Variants in SVEP1 observed in about 807,000 individuals in gnomAD.
The protein encoded by SVEP1 is sushi, von Willebrand factor type A, EGF and pentraxin domain-containing protein 1.
SVEP1 carries 164 observed loss-of-function variants against 367.3 expected under a neutral mutation model. The observed-to-expected ratio is 0.45, with a 90% CI of 0.39 to 0.51. SVEP1 has a LOEUF of 0.51. Among genes scored for constraint, SVEP1 ranks in the 20% least tolerant of loss-of-function variants. The probability of loss-of-function intolerance (pLI) is 0.00; values close to 1 mark genes in which losing one functional copy is unlikely to be tolerated. For synonymous variants in SVEP1, 1,666 were observed against 1,611.6 expected (o/e 1.03, Z -0.81); for missense variants, 4,117 against 4,425.3 (o/e 0.93, Z 1.98).
At chr9:110,553,879 T>C (rs1830322407) in intron 1 of SVEP1, among the ~76,000 whole-genome samples, 1 of 152,200 alleles carries the variant, frequency 6.6e-6, no homozygotes, top group Admixed American at 6.5e-5. Context: ...TCCTGTGTCT[T>C]CCTGTATCTT....
intron 5 of SVEP1, among the ~76,000 whole-genome samples, chr9:110,505,013 G>A (rs1829602373): frequency 6.6e-6 from 1 of 152,164 alleles, no homozygotes; most frequent in African/African-American, 2.4e-5. Flanking sequence ...GCAGTAGGAA[G>A]GATATTCACT....
intron 5 of SVEP1, 78 bp from the exon 6 acceptor site, chr9:110,503,295 G>A: frequency 1.4e-6 from 2 of 1,385,574 alleles, no homozygotes; most frequent in East Asian, 2.3e-5. Flanking sequence ...AGCAATGCCT[G>A]CACATTGCAA....
At chr9:110,399,479 A>G (rs1588034002) in intron 40 of SVEP1, among the ~76,000 whole-genome samples, 1 of 152,248 alleles carries the variant, frequency 6.6e-6, no homozygotes, top group African/African-American at 2.4e-5. Context: ...CCTAAAACTT[A>G]AAGTATAATA....
At chr9:110,468,378 C>T (rs1186242865) in intron 17 of SVEP1, among the ~76,000 whole-genome samples, 1 of 152,170 alleles carries the variant, frequency 6.6e-6, no homozygotes, top group African/African-American at 2.4e-5. Flanking sequence ...ACACCCTACC[C>T]CTAAATATCA....
rs1445990289 is a variant in SVEP1, at chr9:110,472,154, C to T, written c.2764+5G>A. 1.2e-6 allele frequency: 2 copies of T among 1,608,490 alleles called. No individual in the cohort carries two copies. Among genetic ancestry groups the T allele is most frequent in the Non-Finnish European group, 1.7e-6 (2 of 1,178,408 alleles). Reference sequence around the variant, plus strand: ...TGCTTTTTCAAATAGACAGTTTATCCTTACCTGTGATGTTAAAAATTAACT... The same window carrying T: ...TGCTTTTTCAAATAGACAGTTTATCTTTACCTGTGATGTTAAAAATTAACT... On this transcript the variant is annotated splice_donor_5th_base_variant and intron_variant, in intron 15 of 47. Coordinates refer to ENST00000374469, the MANE Select transcript of SVEP1 (RefSeq NM_153366.4).
Position 110,408,798 on chromosome 9 carries a change from G to A in SVEP1, c.6802C>T (p.Pro2268Ser). ...TTCATGAAGCCATTCTGGATCGGGGGAGGTTTTCCACAGTCGAGAGGAACA... is the reference window on the plus strand; with the variant it reads ...TTCATGAAGCCATTCTGGATCGGGGAAGGTTTTCCACAGTCGAGAGGAACA... ...MCVPLDCGKP[P>S]PIQNGFMKGE... The change falls in exon 38 of 48, where the codon CCC becomes TCC. Residue 2268 changes from proline to serine, a missense_variant. Coordinates refer to ENST00000374469, the MANE Select transcript of SVEP1 (RefSeq NM_153366.4). The A allele has an allele frequency of 6.2e-7, 1 of 1,613,142 alleles. No individual in the cohort carries two copies. Among genetic ancestry groups the A allele is most frequent in the South Asian group, 1.1e-5 (1 of 91,080 alleles).
rs750014572 is a variant in SVEP1, at chr9:110,404,420, A to G, written c.9573T>C (p.Leu3191=). The G allele has an allele frequency of 6.2e-7, 1 of 1,614,020 alleles. No homozygotes were observed. The highest frequency in any genetic ancestry group is 1.1e-5 in the South Asian group (1 of 91,080). Residue 3191 remains leucine (L), a synonymous_variant, in exon 39 of 48, where the codon CTT becomes CTC. Transcript: ENST00000374469. ...CPLPENITHI[L]VHGDDFSVNR... ...TCACACTGAAATCGTCCCCATGTAC[A>G]AGTATATGTGTTATGTTTTCCGGGA...
Position 110,406,347 on chromosome 9 carries a change from C to T in SVEP1, c.9253G>A (p.Val3085Met). The T allele has an allele frequency of 6.2e-7, 1 of 1,614,066 alleles. No individual in the cohort carries two copies. Among genetic ancestry groups the T allele is most frequent in the Non-Finnish European group, 8.5e-7 (1 of 1,179,900 alleles). Residue 3085 changes from valine (V) to methionine (M), a missense_variant, in exon 38 of 48, where the codon GTG (valine) becomes ATG (methionine). By Grantham distance (21) the Val-to-Met change is conservative (BLOSUM62 1). This residue lies in a region of SVEP1 where 1,765 missense variants were observed against 1,781.1 expected (regional missense o/e 0.99). Transcript: ENST00000374469. ...ISETSSWKEN[V>M]ITYSCRSGYV... ...CCAGACCTGCAGCTGTAAGTTATCA[C>T]ATTTTCCTTCCAAGAGCTGGTCTCA...
intron 3 of SVEP1, among the ~76,000 whole-genome samples, chr9:110,533,518 G>C (rs556500841): frequency 3.4e-4 from 51 of 152,094 alleles, no homozygotes; most frequent in Admixed American, 1.5e-3. Context: ...CACATGTAAG[G>C]GAACTGAGCA....
At chr9:110,479,806 A>G (rs1326409118) in intron 12 of SVEP1, 50 bp from the exon 13 acceptor site, 2 of 1,574,402 alleles carry the variant, frequency 1.3e-6, no homozygotes, top group East Asian at 2.3e-5. Flanking sequence ...TTTTTAAAAC[A>G]AAGATTTGAC....
chr9:110,556,642 G>A (rs1261311806), intron 1 of SVEP1, among the ~76,000 whole-genome samples: 4 of 151,970 alleles, frequency 2.6e-5, no homozygotes, highest in South Asian at 4.1e-4. Flanking sequence ...TTACAGGCAC[G>A]TGCCACCACG....
chr9:110,579,418 G>A lies in SVEP1; in HGVS notation c.126C>T (p.Ala42=), dbSNP rs1201617976. The A allele has an allele frequency of 6.3e-7, 1 of 1,582,356 alleles. No individual in the cohort carries two copies. The highest frequency in any genetic ancestry group is 8.6e-7 in the Non-Finnish European group (1 of 1,165,308). The stretch of plus-strand genomic sequence containing the variant: ...CGGGCGGCGCGGGGATACTCCCGGG[G>A]GCCCCGGGCGCGGTCTCGGGGAAGA... The part of the protein sequence containing the change: ...FRLFPETAPG[A]PGSIPAPPAP... The change falls in exon 1 of 48, where the codon GCC becomes GCT. Residue 42 remains alanine, a synonymous_variant. Coordinates refer to ENST00000374469, the MANE Select transcript of SVEP1 (RefSeq NM_153366.4). The surrounding 1 kb of genome is among the most constrained non-coding windows in gnomAD (Gnocchi z 5.3).
At chr9:110,467,190 C>T (rs1299358731) in intron 17 of SVEP1, among the ~76,000 whole-genome samples, 1 of 152,140 alleles carries the variant, frequency 6.6e-6, no homozygotes, top group Admixed American at 6.5e-5. Context: ...TGAGAGAAAA[C>T]GTTTCCATCA....
chr9:110,475,587 G>C (rs1017486721), intron 14 of SVEP1, among the ~76,000 whole-genome samples: 2 of 150,734 alleles, frequency 1.3e-5, no homozygotes, highest in Non-Finnish European at 2.9e-5. Context: ...CCAGGCTGGA[G>C]TGCAGTGGCA....
At chr9:110,450,316 G>T in intron 23 of SVEP1, 56 bp from the exon 24 acceptor site, 5 of 1,538,404 alleles carry the variant, frequency 3.3e-6, no homozygotes, top group Non-Finnish European at 4.5e-6. Flanking sequence ...TGGGAACACT[G>T]TAACTAAAGT....
At position 110,472,200 on chromosome 9, in the gene SVEP1, G is replaced by A. The variant is rs1028125190; in HGVS notation, c.2723C>T (p.Pro908Leu). The A allele has an allele frequency of 6.2e-7, 1 of 1,613,396 alleles. No individual in the cohort carries two copies. The highest frequency in any genetic ancestry group is 8.5e-7 in the Non-Finnish European group (1 of 1,179,726). ...AKSSRIKRSA[P>L]LSDYKIKLIF... is the part of the protein sequence containing the mutation. ...TAACTTAATTTTATAGTCAGATAAT[G>A]GGGCACTTCTTTTAATCCGTGAGGA... Residue 908 changes from proline to leucine, a missense_variant, in exon 15 of 48, where the codon CCA becomes CTA. By Grantham distance (98) the Pro-to-Leu change is moderately conservative. Around this residue, in one of 4 missense-constraint regions of SVEP1, gnomAD observed 2,174 missense variants for 2,494.3 expected, o/e 0.87. Transcript: ENST00000374469.
intron 3 of SVEP1, among the ~76,000 whole-genome samples, chr9:110,528,779 A>C (rs188633671): frequency 6.6e-6 from 1 of 151,618 alleles, no homozygotes; most frequent in Non-Finnish European, 1.5e-5. Flanking sequence ...GATTATTATT[A>C]TTATTATGGC....
Position 110,385,915 on chromosome 9 carries a change from G to A in SVEP1, c.10220C>T (p.Thr3407Ile), listed in dbSNP as rs1827514260. 1.2e-6 allele frequency: 2 copies of A among 1,613,334 alleles called. No homozygotes were observed. The highest frequency in any genetic ancestry group is 1.3e-5 in the African/African-American group (1 of 75,040). The change falls in exon 43 of 48, where the codon ACA becomes ATA. Residue 3407 changes from threonine (T) to isoleucine (I), a missense_variant. Coordinates refer to ENST00000374469, the MANE Select transcript of SVEP1 (RefSeq NM_153366.4). ...TCNPDETWTQ[T>I]SAKCEKISCG... Reference sequence around the variant, plus strand: ...TGACTTACTTTCACATTTGGCGCTTGTCTGTGTCCACGTCTCGTCGGGGTT... The same window carrying A: ...TGACTTACTTTCACATTTGGCGCTTATCTGTGTCCACGTCTCGTCGGGGTT...
Position 110,503,039 on chromosome 9 carries a change from C to G in SVEP1, c.1482G>C (p.Val494=). Residue 494 remains valine, a splice_region_variant and synonymous_variant, in exon 6 of 48, where the codon GTG becomes GTC. Transcript: ENST00000374469. ...SQWDGPEPRC[V]ERHCSTFQMP... The stretch of plus-strand genomic sequence containing the variant: ...GCATTACACCTTCTAGAAACTTACC[C>G]ACACACCGGGGTTCTGGCCCATCCC... 1.2e-6 allele frequency: 2 copies of G among 1,609,754 alleles called. No individual in the cohort carries two copies. The highest frequency in any genetic ancestry group is 1.7e-6 in the Non-Finnish European group (2 of 1,178,350).
Sources: gnomAD v4.1 joint callset for allele counts (sites outside exome capture counted in the v4.1 genomes callset) on GRCh38, gnomAD v4.1.1 for gene constraint, gnomAD v4.1.1 regional missense constraint, Gnocchi (gnomAD v3.1) non-coding constraint, MANE v1.5 for transcripts, NCBI Gene and HGNC (gene_info 2026-07-23, HGNC 2026-07-21) for gene names.